GABRB2: variants seen among roughly 807,000 people sequenced by gnomAD.
The protein encoded by GABRB2 is gamma-aminobutyric acid receptor subunit beta-2.
In GABRB2, 16 loss-of-function variants were observed where a neutral mutation model predicts 54.7. The ratio of observed to expected loss-of-function variants is 0.29; its 90% CI spans 0.20 to 0.44. The LOEUF (loss-of-function observed/expected upper bound fraction) is 0.44, where lower values mean the gene tolerates loss of function less well. GABRB2 is among the 20% of genes least tolerant of loss of function. The pLI is 1.00. For synonymous variants in GABRB2, 244 were observed against 233.8 expected, an observed-to-expected ratio of 1.04 and a Z score of -0.40; for missense variants, 355 against 644.0, an observed-to-expected ratio of 0.55 and a Z score of 4.86.
chr5:161,419,113 C>A (rs559150600), intron 4 of GABRB2, among the ~76,000 whole-genome samples: 2 of 151,986 alleles, frequency 1.3e-5, no homozygotes, highest in Admixed American at 1.3e-4. Context: ...GGTGACAGAG[C>A]GAGACCCTGT....
chr5:161,494,219 C>T (rs1401054868), intron 3 of GABRB2, among the ~76,000 whole-genome samples: 1 of 151,760 alleles, frequency 6.6e-6, no homozygotes, highest in African/African-American at 2.4e-5. Context: ...ACATTCCTTT[C>T]TTTCAACTAG....
chr5:161,535,948 C>A (rs1760620873), intron 3 of GABRB2, among the ~76,000 whole-genome samples: 1 of 152,070 alleles, frequency 6.6e-6, no homozygotes. Flanking sequence ...GAGCCTGGTA[C>A]CTCCCCCTAC....
intron 5 of GABRB2, among the ~76,000 whole-genome samples, chr5:161,370,973 C>T (rs1483256913): frequency 1.3e-5 from 2 of 152,130 alleles, no homozygotes; most frequent in Non-Finnish European, 2.9e-5. Flanking sequence ...TTCAAAAAAT[C>T]ATGTAGCAGT....
At chr5:161,499,034 T>C (rs943507497) in intron 3 of GABRB2, among the ~76,000 whole-genome samples, 8 of 152,254 alleles carry the variant, frequency 5.3e-5, no homozygotes, top group South Asian at 2.1e-4. Context: ...CCTTACCACC[T>C]GCTTCTTTGT....
intron 5 of GABRB2, among the ~76,000 whole-genome samples, chr5:161,369,976 CT>C (rs1353823392): frequency 6.6e-6 from 1 of 152,016 alleles, no homozygotes; most frequent in Admixed American, 6.6e-5. Context: ...TCCTTTCAAC[CT>C]GCTGAAGACC....
chr5:161,438,792 T>A (rs1206763044), intron 4 of GABRB2, among the ~76,000 whole-genome samples: 1 of 151,898 alleles, frequency 6.6e-6, no homozygotes, highest in African/African-American at 2.4e-5. Flanking sequence ...AATAGCAGAA[T>A]GGATCAAGCA....
chr5:161,535,576 G>C (rs950112093), intron 3 of GABRB2, among the ~76,000 whole-genome samples: 2 of 152,176 alleles, frequency 1.3e-5, no homozygotes, highest in African/African-American at 4.8e-5. Flanking sequence ...TGTGAAGGCA[G>C]TCATTTGCTA....
chr5:161,402,329 A>T (rs531826064), intron 5 of GABRB2, among the ~76,000 whole-genome samples: 1 of 152,266 alleles, frequency 6.6e-6, no homozygotes, highest in East Asian at 1.9e-4. Context: ...TAAATTTTTT[A>T]AATGAGGTTA....
chr5:161,463,556 T>TATATATAA lies in GABRB2; in HGVS notation c.238-3713_238-3712insTTATATAT, dbSNP rs1554102445. Among the ~76,000 whole-genome samples, 23 of 40,908 alleles carry TATATATAA rather than the reference T, an allele frequency of 5.6e-4. 1 individual carries two copies. In the East Asian group the frequency reaches 0.012, roughly 21 times the overall value. 26.8% of individuals were successfully genotyped at this position (40,908 alleles called of 152,430 possible). A position where few individuals can be genotyped will look rare whatever the true frequency, so the allele number is the denominator to read the frequency against. On this transcript the variant is annotated intron_variant, in intron 3 of 9. Coordinates refer to ENST00000393959, the MANE Select transcript of GABRB2 (RefSeq NM_001371727.1). ...CAAGGTGATTCCAAATATTTTTATT[T>TATATATAA]ATATATATATATATATATATATATA...
intron 3 of GABRB2, among the ~76,000 whole-genome samples, chr5:161,463,317 CCA>C (rs137863733): frequency 0.026 from 3,634 of 140,990 alleles, 91 homozygotes; most frequent in African/African-American, 0.059. Flanking sequence ...TACACACACA[CCA>C]CACACACACA....
chr5:161,297,067 A>G (rs1282512696), intron 9 of GABRB2, among the ~76,000 whole-genome samples: 1 of 152,190 alleles, frequency 6.6e-6, no homozygotes, highest in African/African-American at 2.4e-5. Context: ...AAGAAAATTA[A>G]GTATGTTGCC....
At chr5:161,514,444 C>G (rs1759872535) in intron 3 of GABRB2, among the ~76,000 whole-genome samples, 1 of 152,138 alleles carries the variant, frequency 6.6e-6, no homozygotes, top group Non-Finnish European at 1.5e-5. Flanking sequence ...GAGAAAACAT[C>G]TGGTCTGTCT....
chr5:161,380,831 C>A (rs1755443514), intron 5 of GABRB2, among the ~76,000 whole-genome samples: 1 of 150,240 alleles, frequency 6.7e-6, no homozygotes. Context: ...ACACCACAAT[C>A]TTGAGGTCAG....
chr5:161,334,937 C>A (rs1472326309), intron 6 of GABRB2, 33 bp from the exon 7 acceptor site: 2 of 1,602,410 alleles, frequency 1.2e-6, no homozygotes, highest in Non-Finnish European at 8.5e-7. Flanking sequence ...TCATCATTAT[C>A]AATCAATATT....
At position 161,330,883 on chromosome 5, in the gene GABRB2, C is replaced by T; in HGVS notation, c.1077G>A (p.Lys359=). The change falls in exon 8 of 10, where the codon AAG becomes AAA. Residue 359 remains lysine, a splice_region_variant and synonymous_variant. Coordinates refer to ENST00000393959, the MANE Select transcript of GABRB2 (RefSeq NM_001371727.1). ...NNEKMRLDVN[K]IFYKDIKQNG... The stretch of plus-strand genomic sequence containing the variant: ...AGGAGGGCTTGCCCTCTGAATTTAC[C>T]TTGTTGACATCCAGGCGCATCTTCT... The T allele has an allele frequency of 6.2e-7, 1 of 1,614,136 alleles. No homozygotes were observed. Among genetic ancestry groups the T allele is most frequent in the Non-Finnish European group, 8.5e-7 (1 of 1,180,000 alleles).
intron 4 of GABRB2, among the ~76,000 whole-genome samples, chr5:161,443,369 TG>T (rs1322424634): frequency 1.3e-5 from 2 of 152,286 alleles, no homozygotes; most frequent in East Asian, 3.9e-4. Flanking sequence ...ATCCCATTTA[TG>T]ATAGAACAAA....
At chr5:161,524,376 C>T (rs533039997) in intron 3 of GABRB2, among the ~76,000 whole-genome samples, 103 of 151,658 alleles carry the variant, frequency 6.8e-4, no homozygotes, top group African/African-American at 2.3e-3. Context: ...GGCAAGCAGA[C>T]GCAACTTGAT....
intron 5 of GABRB2, among the ~76,000 whole-genome samples, chr5:161,377,519 A>AT (rs1337175515): frequency 2.6e-5 from 4 of 152,058 alleles, no homozygotes; most frequent in African/African-American, 4.8e-5. Flanking sequence ...ACCTGAAAAG[A>AT]TTTTTTCTCT....
chr5:161,461,376 T>G (rs1226159326), intron 3 of GABRB2, among the ~76,000 whole-genome samples: 1 of 152,196 alleles, frequency 6.6e-6, no homozygotes, highest in Non-Finnish European at 1.5e-5. Context: ...TGAGCATTGC[T>G]CTTGGGGTCC....
Sources: gnomAD v4.1 joint callset for allele counts (sites outside exome capture counted in the v4.1 genomes callset) on GRCh38, gnomAD v4.1.1 for gene constraint, MANE v1.5 for transcripts, NCBI Gene and HGNC (gene_info 2026-07-23, HGNC 2026-07-21) for gene names.